CFAP99: variants seen among roughly 807,000 people sequenced by gnomAD.
The protein encoded by CFAP99 is cilia- and flagella-associated protein 99.
In CFAP99, 84 loss-of-function variants were observed where a neutral mutation model predicts 82.7. That is an observed-to-expected ratio of 1.02 (90% confidence interval 0.85 to 1.22). The LOEUF (loss-of-function observed/expected upper bound fraction) is 1.22, where lower values mean the gene tolerates loss of function less well. CFAP99 is among the 50% of genes most tolerant of loss of function. CFAP99 has a pLI of 0.00. For missense variants in CFAP99, 1,059 were observed against 983.5 expected (o/e 1.08, Z -1.03); for synonymous variants, 456 against 429.5 (o/e 1.06, Z -0.76).
rs1733994122 is a variant in CFAP99 at position 2,439,838 on chromosome 4, T to C, written c.351+1674T>C. 2.0e-5 allele frequency among the ~76,000 whole-genome samples: 3 copies of C among 151,826 alleles called. No individual in the cohort carries two copies. The South Asian group carries it at 6.2e-4, about 32-fold the overall frequency. On this transcript the variant is annotated intron_variant, in intron 4 of 14. Coordinates refer to ENST00000635017, the Ensembl canonical transcript of CFAP99. ...TCACTGGTGTCTGCTCTTCTATTAC[T>C]ATCTTGACATTTTTTTTTTTTTTAA...
chr4:2,445,276 G>A (rs1047053192), exon 6 of CFAP99: 45 of 1,387,652 alleles, frequency 3.2e-5, no homozygotes, highest in African/African-American at 1.5e-4. Context: ...TCCAGCGCCC[G>A]AACCAGTCCC....
chr4:2,419,850 A>G (rs1005540540), intron 1 of CFAP99, among the ~76,000 whole-genome samples: 14 of 152,068 alleles, frequency 9.2e-5, no homozygotes, highest in Middle Eastern at 3.2e-3. Flanking sequence ...CTGAAGGGCA[A>G]AACCCCTCTG....
At chr4:2,424,371 T>C (rs972198003) in intron 1 of CFAP99, among the ~76,000 whole-genome samples, 2 of 152,066 alleles carry the variant, frequency 1.3e-5, no homozygotes, top group Admixed American at 6.5e-5. Context: ...GAGAGTCGCT[T>C]GAATCTGGGA....
rs1578486882 is a variant in CFAP99, at chr4:2,462,616, A to C, written c.1835A>C (p.Asp612Ala). 2 of 1,371,560 alleles carry C rather than the reference A, an allele frequency of 1.5e-6. No homozygotes were observed. The highest frequency in any genetic ancestry group is 1.5e-5 in the African/African-American group (1 of 65,684). The allele number at this position is 1,371,560 out of a possible 1,614,324, so 85.0% of individuals were successfully genotyped here. ...CGCCCCAAGCCCCGGGTGAGTCCGGATTGGTGGGAGGAGCCCGGGCGACTG... is the reference window on the plus strand; with the variant it reads ...CGCCCCAAGCCCCGGGTGAGTCCGGCTTGGTGGGAGGAGCCCGGGCGACTG... The change falls in exon 15 of 15, where the codon GAT becomes GCT. Residue 612 changes from aspartate to alanine, a missense_variant. Coordinates refer to ENST00000635017, the Ensembl canonical transcript of CFAP99. This position sits in a 1 kb window ranked among gnomAD's most constrained non-coding sequence, Gnocchi z 4.1.
In CFAP99 at chr4:2,433,280, C is replaced by T. The variant is rs546151647; in HGVS notation, c.112-3594C>T. 3.9e-5 allele frequency among the ~76,000 whole-genome samples: 6 copies of T among 152,350 alleles called. No individual in the cohort carries two copies. The East Asian group carries it at 1.2e-3, about 29-fold the overall frequency. On this transcript the variant is annotated intron_variant, in intron 2 of 14. Coordinates refer to ENST00000635017, the Ensembl canonical transcript of CFAP99. ...CGTCATTGATGAGAAGCGGAGTCGC[C>T]GGTGCCTGAGCCGGGGAGGCCAGAG...
chr4:2,455,399 G>C (rs1234002017), intron 11 of CFAP99, among the ~76,000 whole-genome samples: 1 of 152,212 alleles, frequency 6.6e-6, no homozygotes, highest in East Asian at 1.9e-4. Flanking sequence ...TTGGCTGGGT[G>C]TGGTGGCTCA....
chr4:2,460,724 CAA>C (rs2108738133), intron 14 of CFAP99, among the ~76,000 whole-genome samples: 1 of 152,224 alleles, frequency 6.6e-6, no homozygotes, highest in East Asian at 1.9e-4. Context: ...CCCAGGTGTC[CAA>C]AGACTGTTGG....
At position 2,451,259 on chromosome 4, in the gene CFAP99, C is replaced by G. The variant is rs921453486; in HGVS notation, c.868-5C>G. 2.2e-5 allele frequency: 34 copies of G among 1,535,868 alleles called. No homozygotes were observed. The highest frequency in any genetic ancestry group is 2.8e-5 in the Non-Finnish European group (32 of 1,146,832). The stretch of plus-strand genomic sequence containing the variant: ...CCCCACCACAGCCAGTCCCCAATCC[C>G]GCAGCCTGACAACATCCTGGTCAAG... On this transcript the variant is annotated splice_polypyrimidine_tract_variant and splice_region_variant and intron_variant, in intron 9 of 14. Transcript: ENST00000635017.
chr4:2,424,187 G>A (rs1426463152), intron 1 of CFAP99, among the ~76,000 whole-genome samples: 4 of 152,252 alleles, frequency 2.6e-5, no homozygotes, highest in Non-Finnish European at 5.9e-5. Flanking sequence ...GGGAGGCTGA[G>A]GCAGGCAGAT....
At chr4:2,436,847 G>T in intron 2 of CFAP99, 27 bp from the exon 3 acceptor site, 1 of 1,534,732 alleles carries the variant, frequency 6.5e-7, no homozygotes, top group African/African-American at 1.4e-5. Context: ...CCCAGCCAGG[G>T]CCCCCCACCG....
At chr4:2,424,313 C>A (rs540930113) in intron 1 of CFAP99, among the ~76,000 whole-genome samples, 2 of 152,180 alleles carry the variant, frequency 1.3e-5, no homozygotes, top group Non-Finnish European at 2.9e-5. Context: ...AAAATAGCCA[C>A]ATGGTGGTGG....
chr4:2,461,736 A>G (rs2108738733), intron 14 of CFAP99, among the ~76,000 whole-genome samples: 1 of 152,268 alleles, frequency 6.6e-6, no homozygotes, highest in South Asian at 2.1e-4. Context: ...GAGACAGGGA[A>G]CAGCACATGC....
intron 14 of CFAP99, among the ~76,000 whole-genome samples, chr4:2,460,583 C>T (rs979096902): frequency 6.6e-6 from 1 of 152,226 alleles, no homozygotes; most frequent in Non-Finnish European, 1.5e-5. Flanking sequence ...GAATCAGACA[C>T]TTTAAACACT....
chr4:2,443,313 C>A, intron 5 of CFAP99, 71 bp downstream of exon 5: 1 of 932,452 alleles, frequency 1.1e-6, no homozygotes, highest in Non-Finnish European at 1.7e-6. Flanking sequence ...TCCACGGGCA[C>A]GGGAGCTCCA....
At chr4:2,457,660 AG>A (rs2108735382) in intron 11 of CFAP99, among the ~76,000 whole-genome samples, 1 of 152,300 alleles carries the variant, frequency 6.6e-6, no homozygotes, top group African/African-American at 2.4e-5. Context: ...CCTTACTGTG[AG>A]CCTGGCCAGG....
At chr4:2,436,126 G>C (rs1468112988) in intron 2 of CFAP99, among the ~76,000 whole-genome samples, 1 of 148,712 alleles carries the variant, frequency 6.7e-6, no homozygotes, top group Non-Finnish European at 1.5e-5. Flanking sequence ...GATATATATA[G>C]ATATATGAAA....
At chr4:2,440,216 G>C (rs1362493979) in intron 4 of CFAP99, among the ~76,000 whole-genome samples, 2 of 132,078 alleles carry the variant, frequency 1.5e-5, no homozygotes. Flanking sequence ...GCAGGATCTC[G>C]GCTCACTGCA....
At chr4:2,459,371 T>C in intron 13 of CFAP99, 113 bp downstream of exon 13, 1 of 1,271,398 alleles carries the variant, frequency 7.9e-7, no homozygotes, top group Non-Finnish European at 1.0e-6. Flanking sequence ...TTGCACCACC[T>C]GAAACCTGGC....
intron 11 of CFAP99, among the ~76,000 whole-genome samples, chr4:2,457,547 C>A (rs1221592442): frequency 6.6e-6 from 1 of 152,154 alleles, no homozygotes; most frequent in South Asian, 2.1e-4. Flanking sequence ...CAGGCAGGAC[C>A]GTGGGTCCAA....
Sources: gnomAD v4.1 joint callset for allele counts (sites outside exome capture counted in the v4.1 genomes callset) on GRCh38, gnomAD v4.1.1 for gene constraint, Gnocchi (gnomAD v3.1) non-coding constraint, MANE v1.5 for transcripts, NCBI Gene and HGNC (gene_info 2026-07-23, HGNC 2026-07-21) for gene names.